ERBB4: variants seen among roughly 807,000 people sequenced by gnomAD.
The protein encoded by ERBB4 is erb-b2 receptor tyrosine kinase 4.
A neutral mutation model predicts 158.0 loss-of-function variants in ERBB4; 42 were observed. The ratio of observed to expected loss-of-function variants is 0.27; its 90% CI spans 0.21 to 0.34. The LOEUF is 0.34. Among genes scored for constraint, ERBB4 ranks in the 10% least tolerant of loss-of-function variants. The probability of loss-of-function intolerance (pLI) is 1.00; values close to 1 mark genes in which losing one functional copy is unlikely to be tolerated. For missense variants in ERBB4, 1,333 were observed against 1,624.1 expected, an observed-to-expected ratio of 0.82 and a Z score of 3.08; for synonymous variants, 583 against 558.7, an observed-to-expected ratio of 1.04 and a Z score of -0.61.
intron 2 of ERBB4, among the ~76,000 whole-genome samples, chr2:212,024,399 G>T (rs2125334426): frequency 6.6e-6 from 1 of 151,750 alleles, no homozygotes; most frequent in South Asian, 2.1e-4. Flanking sequence ...CATTATTTAT[G>T]ACATACCCCA....
At chr2:211,979,225 T>C (rs2081720895) in intron 2 of ERBB4, among the ~76,000 whole-genome samples, 1 of 152,214 alleles carries the variant, frequency 6.6e-6, no homozygotes, top group South Asian at 2.1e-4. Flanking sequence ...TGGGAATTAC[T>C]AGTTATACAT....
At chr2:212,378,581 T>C (rs914745201) in intron 1 of ERBB4, among the ~76,000 whole-genome samples, 4 of 151,892 alleles carry the variant, frequency 2.6e-5, no homozygotes, top group Non-Finnish European at 4.4e-5. Context: ...AAGGCCATCA[T>C]TCAAAGCGCT....
intron 9 of ERBB4, among the ~76,000 whole-genome samples, chr2:211,708,082 C>A (rs2073518141): frequency 6.6e-6 from 1 of 151,822 alleles, no homozygotes; most frequent in African/African-American, 2.4e-5. Flanking sequence ...TTTAAAATAT[C>A]TCTATCTTTA....
chr2:211,579,424 T>G (rs879008627), intron 19 of ERBB4, among the ~76,000 whole-genome samples: 1 of 152,140 alleles, frequency 6.6e-6, no homozygotes, highest in African/African-American at 2.4e-5. Context: ...GAAATACCAT[T>G]TGAGCCAGCA....
chr2:212,179,405 G>C (rs187954743), intron 1 of ERBB4, among the ~76,000 whole-genome samples: 3 of 149,650 alleles, frequency 2.0e-5, no homozygotes, highest in African/African-American at 7.3e-5. Context: ...GTAAAGAATA[G>C]GCTATAGTTC....
chr2:212,121,471 T>C (rs1463907233), intron 2 of ERBB4, among the ~76,000 whole-genome samples: 3 of 152,118 alleles, frequency 2.0e-5, no homozygotes, highest in Non-Finnish European at 2.9e-5. Flanking sequence ...GCCTCTCAAA[T>C]TGCTGGGATT....
At chr2:212,329,746 C>T (rs1453286424) in intron 1 of ERBB4, among the ~76,000 whole-genome samples, 2 of 152,070 alleles carry the variant, frequency 1.3e-5, no homozygotes, top group African/African-American at 4.8e-5. Context: ...GTGTCACTTA[C>T]TTCTGAGAAA....
rs111656310 is a variant in ERBB4 at position 212,374,045 on chromosome 2, CAT to C, written c.82+164402_82+164403del. 2.0e-4 allele frequency among the ~76,000 whole-genome samples: 21 copies of C among 106,814 alleles called. 1 individual carries two copies. Among genetic ancestry groups the C allele is most frequent in the African/African-American group, 3.2e-4 (9 of 27,722 alleles). 70.1% of individuals were successfully genotyped at this position (106,814 alleles called of 152,430 possible). On this transcript the variant is annotated intron_variant, in intron 1 of 27. Coordinates refer to ENST00000342788, the MANE Select transcript of ERBB4 (RefSeq NM_005235.3). Reference sequence around the variant, plus strand: ...CCATATATATATATCCATATATATCCATATATATATATCCATATATATCCATA... The same window carrying C: ...CCATATATATATATCCATATATATCCATATATATATCCATATATATCCATA...
rs376413791 is a variant in ERBB4 at position 212,045,144 on chromosome 2, T to G, written c.234+79608A>C. Among the ~76,000 whole-genome samples the G allele has an allele frequency of 5.9e-5, 9 of 152,356 alleles. No individual in the cohort carries two copies. The South Asian group carries it at 1.9e-3, about 32-fold the overall frequency. On this transcript the variant is annotated intron_variant, in intron 2 of 27. Coordinates refer to ENST00000342788, the MANE Select transcript of ERBB4 (RefSeq NM_005235.3). ...CTTTGGGACTTGGATTCCCTTGGTA[T>G]GGCAATTAAATATACTACGTGAGAA...
chr2:211,943,682 A>G (rs2080570966), intron 3 of ERBB4, among the ~76,000 whole-genome samples: 1 of 152,052 alleles, frequency 6.6e-6, no homozygotes, highest in South Asian at 2.1e-4. Flanking sequence ...CTTATCATCT[A>G]CCCTGTGCAT....
At chr2:212,399,030 G>C (rs2091113318) in intron 1 of ERBB4, among the ~76,000 whole-genome samples, 1 of 151,992 alleles carries the variant, frequency 6.6e-6, no homozygotes, top group South Asian at 2.1e-4. Context: ...TGCAACCTCT[G>C]CCTCCTGGGT....
At chr2:211,576,948 G>T (rs114275882) in intron 19 of ERBB4, among the ~76,000 whole-genome samples, 2 of 152,180 alleles carry the variant, frequency 1.3e-5, no homozygotes, top group East Asian at 3.9e-4. Context: ...GGGTGTGGAT[G>T]ATACAAATTC....
chr2:211,896,388 A>C (rs555269761), intron 3 of ERBB4, among the ~76,000 whole-genome samples: 1 of 152,282 alleles, frequency 6.6e-6, no homozygotes, highest in South Asian at 2.1e-4. Context: ...TTTCTTCCAC[A>C]TTCATACTTA....
chr2:211,921,487 A>G (rs1200500118), intron 3 of ERBB4, among the ~76,000 whole-genome samples: 2 of 152,122 alleles, frequency 1.3e-5, no homozygotes, highest in African/African-American at 4.8e-5. Flanking sequence ...CTCGAGTTAG[A>G]AAAACCAACG....
intron 1 of ERBB4, among the ~76,000 whole-genome samples, chr2:212,376,020 C>T (rs2090307329): frequency 6.6e-6 from 1 of 151,980 alleles, no homozygotes; most frequent in Non-Finnish European, 1.5e-5. Flanking sequence ...AAATAAAATT[C>T]CTCTTGTTCA....
intron 2 of ERBB4, among the ~76,000 whole-genome samples, chr2:212,119,167 A>AC (rs2079665873): frequency 6.6e-6 from 1 of 152,126 alleles, no homozygotes; most frequent in Non-Finnish European, 1.5e-5. Flanking sequence ...TACTATTTCT[A>AC]AAATAATTTG....
chr2:211,884,697 G>A (rs981681402), intron 3 of ERBB4, among the ~76,000 whole-genome samples: 5 of 152,130 alleles, frequency 3.3e-5, no homozygotes, highest in African/African-American at 9.7e-5. Flanking sequence ...ATCATCTGAG[G>A]TAACAACCCC....
intron 1 of ERBB4, among the ~76,000 whole-genome samples, chr2:212,439,660 T>A: frequency 6.6e-6 from 1 of 152,154 alleles, no homozygotes; most frequent in East Asian, 1.9e-4. Flanking sequence ...AAAACAATAA[T>A]GCGATACAAA....
In ERBB4 at chr2:211,383,520, T is replaced by G; in HGVS notation, c.*95A>C. ...TTCCACTGGGAAGTGTCAAAACTAC[T>G]GGCCTTGGGGTAGAAGGAAGACCAC... On this transcript the variant is annotated 3_prime_UTR_variant, in exon 28 of 28. Coordinates refer to ENST00000342788, the MANE Select transcript of ERBB4 (RefSeq NM_005235.3). 1 of 988,918 alleles carries G rather than the reference T, an allele frequency of 1.0e-6. No homozygotes were observed. Among genetic ancestry groups the G allele is most frequent in the Non-Finnish European group, 1.6e-6 (1 of 621,850 alleles). 61.3% of individuals were successfully genotyped at this position (988,918 alleles called of 1,614,324 possible).
Sources: allele counts gnomAD v4.1 joint callset (sites outside exome capture counted in the v4.1 genomes callset), GRCh38; gene constraint gnomAD v4.1.1; transcripts MANE v1.5; gene names NCBI Gene and HGNC (gene_info 2026-07-23, HGNC 2026-07-21).